The following ZNF534 variants were observed in gnomAD, a reference collection of about 807,000 sequenced individuals.
ZNF534 encodes the protein zinc finger protein 534, also known as KRAB domain only 3.
A neutral mutation model predicts 13.6 loss-of-function variants in ZNF534; 19 were observed. The observed-to-expected ratio is 1.40, with a 90% CI of 0.97 to 2.05. The LOEUF (loss-of-function observed/expected upper bound fraction) is 2.05, where lower values mean the gene tolerates loss of function less well. ZNF534 is among the 30% of genes most tolerant of loss of function. The pLI is 0.00. For synonymous variants in ZNF534, 244 were observed against 273.8 expected (o/e 0.89, Z 1.07); for missense variants, 782 against 796.3 (o/e 0.98, Z 0.22).
rs2122669529 is a variant in ZNF534 at position 52,434,017 on chromosome 19, C to G, written c.78C>G (p.Asp26Glu). 1 of 1,614,068 alleles carries G rather than the reference C, an allele frequency of 6.2e-7. No homozygotes were observed. The highest frequency in any genetic ancestry group is 1.3e-5 in the African/African-American group (1 of 75,012). The change falls in exon 3 of 5, where the codon GAC becomes GAG. Residue 26 changes from aspartate to glutamate, a missense_variant. Transcript: ENST00000433050. ...EFSQEEWKCL[D>E]PGQKALYRDV... ...CTCAGGAGGAGTGGAAATGCCTGGACCCTGGGCAGAAAGCTTTATACAGGG... is the reference window on the plus strand; with the variant it reads ...CTCAGGAGGAGTGGAAATGCCTGGAGCCTGGGCAGAAAGCTTTATACAGGG...
downstream of ZNF534, among the ~76,000 whole-genome samples, chr19:52,444,746 T>C (rs1251425356): frequency 1.3e-5 from 2 of 152,088 alleles, no homozygotes; most frequent in Non-Finnish European, 2.9e-5. Flanking sequence ...TATGGCTGCC[T>C]CTGCAGTGTC....
Position 52,438,100 on chromosome 19 carries a change from T to TA in ZNF534, c.641dup (p.Tyr214Ter), listed in dbSNP as rs753879065. The change falls in exon 5 of 5, where the codon TAC becomes TAAC. Residue 214 changes from tyrosine to a stop codon, truncating the protein, a stop_gained and frameshift_variant. Coordinates refer to ENST00000433050, the MANE Select transcript of ZNF534 (RefSeq NM_001143938.3). LOFTEE classifies it low-confidence loss of function (END_TRUNC). ...AGTAATCCACATTGCAGATAAAACTTACAAATGTAGTGACTGTGGCGAGAT... is the reference window on the plus strand; with the variant it reads ...AGTAATCCACATTGCAGATAAAACTTAACAAATGTAGTGACTGTGGCGAGAT... ...RQVIHIADKT[Y>*]KCSDCGEIFS... The TA allele has an allele frequency of 4.1e-5, 66 of 1,614,132 alleles. 1 individual carries two copies. In the East Asian group the frequency reaches 1.4e-3, roughly 35 times the overall value.
Position 52,440,197 on chromosome 19 carries a change from A to G in ZNF534, c.*751A>G, listed in dbSNP as rs4553728. On this transcript the variant is annotated 3_prime_UTR_variant, in exon 5 of 5. Coordinates refer to ENST00000433050, the MANE Select transcript of ZNF534 (RefSeq NM_001143938.3). Reference sequence around the variant, plus strand: ...GGAAGGAAACCATAGAAATATAAAGAATACAAGAAGGTCTTCAGGCACATG... The same window carrying G: ...GGAAGGAAACCATAGAAATATAAAGGATACAAGAAGGTCTTCAGGCACATG... Among the ~76,000 whole-genome samples, 138,560 of 152,252 alleles carry G rather than the reference A, an allele frequency of 0.91. 63,465 individuals are homozygous for G. Among genetic ancestry groups the G allele is most frequent in the Non-Finnish European group, 0.97 (65,688 of 68,028 alleles).
downstream of ZNF534, among the ~76,000 whole-genome samples, chr19:52,443,390 A>G (rs980929533): frequency 2.9e-4 from 44 of 152,184 alleles, 1 homozygote; most frequent in African/African-American, 1.0e-3. Context: ...AGGAATGCCA[A>G]TTATTCTTAG....
rs2608501 is a variant in ZNF534 at position 52,440,010 on chromosome 19, A to G, written c.*564A>G. 0.95 allele frequency among the ~76,000 whole-genome samples: 144,809 copies of G among 152,142 alleles called. 69,179 individuals are homozygous for G. The highest frequency in any genetic ancestry group is 0.98 in the African/African-American group (40,818 of 41,516). On this transcript the variant is annotated 3_prime_UTR_variant, in exon 5 of 5. Coordinates refer to ENST00000433050, the MANE Select transcript of ZNF534 (RefSeq NM_001143938.3). ...TTGAACCTGGGAGGCAGAGGTTGTG[A>G]TGAGCCGAGATTGCAACATTGCACT...
chr19:52,429,689 G>A (rs537287276), intron 1 of ZNF534, among the ~76,000 whole-genome samples: 10 of 151,018 alleles, frequency 6.6e-5, no homozygotes, highest in Non-Finnish European at 1.0e-4. Context: ...TCCGCCTCCC[G>A]GATTCAAGCG....
rs147294536 is a variant in ZNF534 at position 52,433,428 on chromosome 19, G to T, written c.16-527G>T. Among the ~76,000 whole-genome samples the T allele has an allele frequency of 5.2e-4, 79 of 151,884 alleles. 1 individual carries two copies. The South Asian group carries it at 0.015, about 29-fold the overall frequency. ...GTCACCCAGGCTGGAGTGCAGTGGC[G>T]CAATCTCAGCTCACTGCAATGTCCC... On this transcript the variant is annotated intron_variant, in intron 2 of 4. Transcript: ENST00000433050.
In ZNF534 at chr19:52,437,810, T is replaced by C. The variant is rs1225640528; in HGVS notation, c.350T>C (p.Leu117Pro). ...CATGGATTAACTCTTCAGTTACATC[T>C]GACTGAATGGCAGCCATTTCAAGCT... ...NQHGLTLQLHLTEWQPFQAVR... is the reference protein window; with the variant it reads ...NQHGLTLQLHPTEWQPFQAVR... The change falls in exon 5 of 5, where the codon CTG (leucine) becomes CCG (proline). Residue 117 changes from leucine (L) to proline (P), a missense_variant. Transcript: ENST00000433050. The C allele has an allele frequency of 6.2e-7, 1 of 1,613,446 alleles. No homozygotes were observed. Among genetic ancestry groups the C allele is most frequent in the Non-Finnish European group, 8.5e-7 (1 of 1,179,600 alleles).
chr19:52,438,069 C>T lies in ZNF534; in HGVS notation c.609C>T (p.Asn203=), dbSNP rs376789531. The T allele has an allele frequency of 1.9e-6, 3 of 1,614,034 alleles. No homozygotes were observed. In the East Asian group the frequency reaches 6.7e-5, roughly 36 times the overall value. ...KVFRVSSSLT[N]RQVIHIADKT... The stretch of plus-strand genomic sequence containing the variant: ...TCAGAGTGTCTTCAAGCCTTACTAA[C>T]CGTCAAGTAATCCACATTGCAGATA... Residue 203 remains asparagine, a synonymous_variant, in exon 5 of 5, where the codon AAC becomes AAT. Coordinates refer to ENST00000433050, the MANE Select transcript of ZNF534 (RefSeq NM_001143938.3).
chr19:52,451,212 G>T, exon 5 of ZNF534: 1 of 706,162 alleles, frequency 1.4e-6, no homozygotes, highest in South Asian at 1.5e-5. Flanking sequence ...CCTGGGACGC[G>T]CGCGTCTTCA....
chr19:52,431,822 T>A (rs2059089195), intron 2 of ZNF534, among the ~76,000 whole-genome samples: 2 of 149,910 alleles, frequency 1.3e-5, no homozygotes, highest in South Asian at 4.2e-4. Context: ...GAGTGTTCTG[T>A]GGACTAAGAC....
chr19:52,451,697 C>T (rs754069606), exon 5 of ZNF534: 4 of 670,304 alleles, frequency 6.0e-6, no homozygotes, highest in Non-Finnish European at 1.1e-5. Context: ...AGAGTAGCTC[C>T]AAGGTCTGGC....
chr19:52,434,900 A>G (rs1215304959), intron 3 of ZNF534, among the ~76,000 whole-genome samples, 181 bp from the exon 4 acceptor site: 1 of 152,036 alleles, frequency 6.6e-6, no homozygotes, highest in Non-Finnish European at 1.5e-5. Flanking sequence ...GTAGTTCTTG[A>G]AAGGGGGCTT....
rs142888327 is a variant in ZNF534, at chr19:52,437,604, A to G, written c.272-128A>G. On this transcript the variant is annotated intron_variant, in intron 4 of 4. Coordinates refer to ENST00000433050, the MANE Select transcript of ZNF534 (RefSeq NM_001143938.3). ...AGCCTGGGTGACAATGTGAGACTCC[A>G]TCTCAATAAAAACAAAGTATGCTGA... 468 of 929,126 alleles carry G rather than the reference A, an allele frequency of 5.0e-4. 2 individuals carry two copies. The African/African-American group carries it at 7.1e-3, about 14-fold the overall frequency. The allele number at this position is 929,126 out of a possible 1,614,324, so 57.6% of individuals were successfully genotyped here. A position where few individuals can be genotyped will look rare whatever the true frequency, so the allele number is the denominator to read the frequency against.
At chr19:52,430,599 G>A (rs566203817) in intron 1 of ZNF534, among the ~76,000 whole-genome samples, 2 of 151,148 alleles carry the variant, frequency 1.3e-5, no homozygotes, top group South Asian at 4.2e-4. Flanking sequence ...CACCCAGGCT[G>A]GAGTGCAGTG....
chr19:52,432,288 T>G (rs2059092857), intron 2 of ZNF534, among the ~76,000 whole-genome samples: 1 of 152,148 alleles, frequency 6.6e-6, no homozygotes, highest in African/African-American at 2.4e-5. Context: ...CTTGAAGTTG[T>G]TTTAAATTTA....
At chr19:52,431,214 G>A (rs776397490) in intron 1 of ZNF534, among the ~76,000 whole-genome samples, 194 bp from the exon 2 acceptor site, 3 of 152,044 alleles carry the variant, frequency 2.0e-5, no homozygotes, top group Non-Finnish European at 4.4e-5. Context: ...TGTGTGTGTC[G>A]CTCACCATGA....
chr19:52,436,361 T>C (rs1014688065), intron 4 of ZNF534, among the ~76,000 whole-genome samples: 11 of 152,228 alleles, frequency 7.2e-5, no homozygotes, highest in Non-Finnish European at 1.3e-4. Context: ...TTTTTGTTGA[T>C]GCTATCAAAC....
chr19:52,446,029 T>C (rs2059193320), downstream of ZNF534, among the ~76,000 whole-genome samples: 1 of 152,162 alleles, frequency 6.6e-6, no homozygotes, highest in Non-Finnish European at 1.5e-5. Context: ...TTCTGTATAA[T>C]TATGAAAAAG....
Sources: allele counts gnomAD v4.1 joint callset (sites outside exome capture counted in the v4.1 genomes callset), GRCh38; gene constraint gnomAD v4.1.1; transcripts MANE v1.5; gene names NCBI Gene and HGNC (gene_info 2026-07-23, HGNC 2026-07-21).